The following UBE2V2 variants were observed in gnomAD, a reference collection of about 807,000 sequenced individuals.
The protein encoded by UBE2V2 is ubiquitin-conjugating enzyme E2 variant 2.
A neutral mutation model predicts 17.2 loss-of-function variants in UBE2V2; 9 were observed. That is an observed-to-expected ratio of 0.52 (90% CI 0.32 to 0.91). The LOEUF (loss-of-function observed/expected upper bound fraction) is 0.91, where lower values mean the gene tolerates loss of function less well. Among genes scored for constraint, UBE2V2 ranks in the 40% least tolerant of loss-of-function variants. The pLI, the probability that UBE2V2 is intolerant of heterozygous loss-of-function variation, is 0.04. For missense variants in UBE2V2, 133 were observed against 182.6 expected (o/e 0.73, Z 1.56); for synonymous variants, 61 against 57.5 (o/e 1.06, Z -0.28).
chr8:48,011,474 G>C (rs534623175), intron 1 of UBE2V2, among the ~76,000 whole-genome samples: 2 of 152,122 alleles, frequency 1.3e-5, no homozygotes, highest in Non-Finnish European at 2.9e-5. Context: ...CACTGAGCTT[G>C]GTCTAATACA....
intron 1 of UBE2V2, among the ~76,000 whole-genome samples, chr8:48,016,200 C>A (rs1355837287): frequency 6.6e-6 from 1 of 151,610 alleles, no homozygotes; most frequent in African/African-American, 2.4e-5. Flanking sequence ...CTCAGCCTAT[C>A]CATTTGTTGG....
chr8:48,035,890 C>CA (rs963104941), intron 1 of UBE2V2, among the ~76,000 whole-genome samples: 37 of 129,722 alleles, frequency 2.9e-4, no homozygotes, highest in African/African-American at 4.2e-4. Flanking sequence ...CACTCCGTCT[C>CA]AAAAAAAAAA....
In UBE2V2 at chr8:48,058,593, G is replaced by A. The variant is rs569626483; in HGVS notation, c.292-2089G>A. Among the ~76,000 whole-genome samples, 381 of 146,800 alleles carry A rather than the reference G, an allele frequency of 2.6e-3. 2 individuals are homozygous for A. Among genetic ancestry groups the A allele is most frequent in the African/African-American group, 7.7e-3 (309 of 40,078 alleles). On this transcript the variant is annotated intron_variant, in intron 3 of 3. Transcript: ENST00000523111. ...CCTGTCTCAAAAAAAAAAAAAAAAAGAAAATATAAAAAGTGATGAGAATGG... is the reference window on the plus strand; with the variant it reads ...CCTGTCTCAAAAAAAAAAAAAAAAAAAAAATATAAAAAGTGATGAGAATGG...
upstream of UBE2V2, among the ~76,000 whole-genome samples, chr8:48,004,513 T>G (rs1289433513): frequency 1.7e-5 from 2 of 120,782 alleles, no homozygotes; most frequent in Non-Finnish European, 3.8e-5. Context: ...TCCTCTTCTG[T>G]TTTTTTTTTT....
chr8:48,056,891 T>C (rs918291244), intron 3 of UBE2V2, among the ~76,000 whole-genome samples: 1 of 149,598 alleles, frequency 6.7e-6, no homozygotes, highest in African/African-American at 2.5e-5. Flanking sequence ...GCCTGGCTAA[T>C]TTTTTGTATT....
At chr8:48,045,135 T>A (rs1420282502) in intron 2 of UBE2V2, among the ~76,000 whole-genome samples, 1 of 152,168 alleles carries the variant, frequency 6.6e-6, no homozygotes, top group Non-Finnish European at 1.5e-5. Context: ...GGTCCTCCAT[T>A]CCCTGTGGGT....
rs1449426636 is a variant in UBE2V2 at position 48,053,907 on chromosome 8, C to T, written c.291+3929C>T. ...GCAACCTCTTCCTCCTGGGTTCAAG[C>T]GATTCTCCTGCCTTAGCCTCCCGAG... On this transcript the variant is annotated intron_variant, in intron 3 of 3. Transcript: ENST00000523111. Among the ~76,000 whole-genome samples the T allele has an allele frequency of 6.6e-5, 10 of 151,482 alleles. No individual in the cohort carries two copies. In the South Asian group the frequency reaches 8.4e-4, roughly 13 times the overall value.
At chr8:48,038,462 C>T (rs1291992165) in intron 1 of UBE2V2, among the ~76,000 whole-genome samples, 2 of 151,920 alleles carry the variant, frequency 1.3e-5, no homozygotes, top group Admixed American at 6.6e-5. Context: ...ACTACAGGTG[C>T]GCACCACCAT....
the UBE2V2 span, among the ~76,000 whole-genome samples, chr8:47,997,873 G>A: frequency 6.6e-6 from 1 of 151,904 alleles, no homozygotes; most frequent in African/African-American, 2.4e-5. Flanking sequence ...GGATTAGGAT[G>A]TTGTCAAGGA....
chr8:48,008,445 G>T lies in UBE2V2; in HGVS notation c.-10G>T, dbSNP rs764568158. On this transcript the variant is annotated 5_prime_UTR_variant, in exon 1 of 4. Transcript: ENST00000523111. The stretch of plus-strand genomic sequence containing the variant: ...TGCGTGCGGGCGGCTGCGTCGGGCT[G>T]CAGGAGAAGATGGCGGTCTCCACAG... 6.4e-7 allele frequency: 1 copy of T among 1,566,270 alleles called. No individual in the cohort carries two copies. Among genetic ancestry groups the T allele is most frequent in the Non-Finnish European group, 8.6e-7 (1 of 1,158,666 alleles).
chr8:48,024,123 G>T (rs1001813189), intron 1 of UBE2V2, among the ~76,000 whole-genome samples: 1 of 152,162 alleles, frequency 6.6e-6, no homozygotes, highest in Non-Finnish European at 1.5e-5. Flanking sequence ...ATAAATCCTT[G>T]TGGCTGTGTA....
At chr8:48,007,702 T>C (rs375377495), upstream of UBE2V2, among the ~76,000 whole-genome samples, 14 of 150,634 alleles carry the variant, frequency 9.3e-5, 1 homozygote, top group African/African-American at 3.4e-4. Flanking sequence ...GAAGTGAGCT[T>C]CGGCGCCCAG....
chr8:48,020,328 CTT>C (rs2091296421), intron 1 of UBE2V2, among the ~76,000 whole-genome samples: 1 of 152,152 alleles, frequency 6.6e-6, no homozygotes, highest in South Asian at 2.1e-4. Flanking sequence ...CTTGTTCTCT[CTT>C]GATTTCCATT....
intron 1 of UBE2V2, among the ~76,000 whole-genome samples, chr8:48,018,782 C>T (rs2154506887): frequency 6.6e-6 from 1 of 152,276 alleles, no homozygotes; most frequent in South Asian, 2.1e-4. Flanking sequence ...GTAGTACAAC[C>T]TATCTTTCAG....
intron 1 of UBE2V2, 75 bp downstream of exon 1, chr8:48,008,545 A>G (rs2091202542): frequency 6.7e-7 from 1 of 1,502,736 alleles, no homozygotes; most frequent in Non-Finnish European, 8.8e-7. Context: ...CTGGCGCCCG[A>G]GCGCTGACCG....
chr8:48,008,347 C>A (rs1481285018), upstream of UBE2V2: 1 of 1,382,622 alleles, frequency 7.2e-7, no homozygotes, highest in South Asian at 1.6e-5. Context: ...GCCCCGCGCC[C>A]GCCGGGGGCG....
intron 3 of UBE2V2, among the ~76,000 whole-genome samples, chr8:48,058,444 G>A (rs976339777): frequency 5.3e-5 from 8 of 151,766 alleles, no homozygotes; most frequent in Non-Finnish European, 1.2e-4. Flanking sequence ...GGTGGTGTGC[G>A]CCTGTAGTCC....
At chr8:48,051,874 A>G (rs1343774911) in intron 3 of UBE2V2, among the ~76,000 whole-genome samples, 2 of 152,130 alleles carry the variant, frequency 1.3e-5, no homozygotes, top group Non-Finnish European at 2.9e-5. Context: ...CTGCTGGGCC[A>G]TTAACACCCC....
upstream of UBE2V2, among the ~76,000 whole-genome samples, chr8:48,005,546 G>C (rs771194769): frequency 5.9e-5 from 9 of 152,188 alleles, no homozygotes; most frequent in Non-Finnish European, 7.3e-5. Context: ...TAATGGGATT[G>C]CTGGGTCAAA....
Sources: gnomAD v4.1 joint callset for allele counts (sites outside exome capture counted in the v4.1 genomes callset) on GRCh38, gnomAD v4.1.1 for gene constraint, MANE v1.5 for transcripts, NCBI Gene and HGNC (gene_info 2026-07-23, HGNC 2026-07-21) for gene names.